NAV3: variants seen among roughly 807,000 people sequenced by gnomAD.
NAV3 encodes pore membrane and/or filament interacting like protein 1.
A neutral mutation model predicts 244.7 loss-of-function variants in NAV3; 87 were observed. The ratio of observed to expected loss-of-function variants is 0.36; its 90% CI spans 0.30 to 0.42. The LOEUF is 0.42. Ranked by LOEUF, NAV3 falls within the 20% of genes least tolerant of loss-of-function variation. The probability of loss-of-function intolerance (pLI) is 1.00; values close to 1 mark genes in which losing one functional copy is unlikely to be tolerated. For missense variants in NAV3, 2,663 were observed against 2,893.3 expected, an observed-to-expected ratio of 0.92 and a Z score of 1.83; for synonymous variants, 1,126 against 1,042.2, an observed-to-expected ratio of 1.08 and a Z score of -1.55.
intron 2 of NAV3, among the ~76,000 whole-genome samples, chr12:77,781,060 T>A (rs2135914365): frequency 6.6e-6 from 1 of 152,226 alleles, no homozygotes; most frequent in South Asian, 2.1e-4. Context: ...ACAACACAGG[T>A]TTATTTGTTT....
intron 1 of NAV3, among the ~76,000 whole-genome samples, chr12:77,905,588 T>C (rs2136978167): frequency 6.6e-6 from 1 of 152,256 alleles, no homozygotes; most frequent in Non-Finnish European, 1.5e-5. Flanking sequence ...CTGTTTATGT[T>C]TTCTTTCTAC....
intron 2 of NAV3, among the ~76,000 whole-genome samples, chr12:77,577,160 A>T (rs377122598): frequency 6.6e-5 from 10 of 152,234 alleles, no homozygotes; most frequent in African/African-American, 2.4e-4. Context: ...ATTGTAGCAT[A>T]CTCGGATGCA....
intron 20 of NAV3, among the ~76,000 whole-genome samples, chr12:78,140,853 T>C (rs990836984): frequency 2.7e-5 from 4 of 150,646 alleles, no homozygotes; most frequent in African/African-American, 9.8e-5. Flanking sequence ...TTTGAAAGAG[T>C]GTGATTTTTT....
chr12:77,592,571 G>A (rs1869956196), intron 2 of NAV3, among the ~76,000 whole-genome samples: 1 of 152,128 alleles, frequency 6.6e-6, no homozygotes, highest in African/African-American at 2.4e-5. Flanking sequence ...CTCAAGGGGT[G>A]ATTTATTTTT....
intron 2 of NAV3, among the ~76,000 whole-genome samples, chr12:77,651,408 A>G (rs1159053689): frequency 6.6e-6 from 1 of 151,904 alleles, no homozygotes; most frequent in Non-Finnish European, 1.5e-5. Context: ...CTCCCCAAAT[A>G]TTTTCCCGTG....
At chr12:77,904,295 C>T (rs1408597560) in intron 1 of NAV3, among the ~76,000 whole-genome samples, 16 of 152,042 alleles carry the variant, frequency 1.1e-4, no homozygotes, top group Non-Finnish European at 2.1e-4. Context: ...ACATATACAC[C>T]ATGGAATACT....
intron 1 of NAV3, among the ~76,000 whole-genome samples, chr12:77,833,115 C>T (rs1220061484): frequency 6.6e-6 from 1 of 152,074 alleles, no homozygotes; most frequent in Non-Finnish European, 1.5e-5. Flanking sequence ...ACCATTCCTC[C>T]TTCCCAATTC....
chr12:78,211,227 C>A lies in NAV3; in HGVS notation c.*710C>A, dbSNP rs567159321. On this transcript the variant is annotated 3_prime_UTR_variant, in exon 40 of 40. Transcript: ENST00000397909. Reference sequence around the variant, plus strand: ...TTAAACCACCTGCCCACTCCCTTAACAAGAGTTTTATACCAATTATTAGTC... The same window carrying A: ...TTAAACCACCTGCCCACTCCCTTAAAAAGAGTTTTATACCAATTATTAGTC... 6.6e-6 allele frequency: 1 copy of A among 152,590 alleles called. No individual in the cohort carries two copies. The highest frequency in any genetic ancestry group is 1.5e-5 in the Non-Finnish European group (1 of 68,026). The allele number at this position is 152,590 out of a possible 1,614,324, so 9.5% of individuals were successfully genotyped here. A position where few individuals can be genotyped will look rare whatever the true frequency, so the allele number is the denominator to read the frequency against.
At chr12:78,138,631 C>T (rs1391354839) in intron 19 of NAV3, among the ~76,000 whole-genome samples, 1 of 152,132 alleles carries the variant, frequency 6.6e-6, no homozygotes, top group Non-Finnish European at 1.5e-5. Flanking sequence ...AAGGACCCTG[C>T]TTTCTGAAAT....
chr12:78,058,477 T>A (rs1039933417), intron 11 of NAV3, among the ~76,000 whole-genome samples: 1 of 152,056 alleles, frequency 6.6e-6, no homozygotes, highest in African/African-American at 2.4e-5. Context: ...TTATTACAAT[T>A]CAGGGTGAGA....
chr12:78,018,889 T>C (rs545860500), intron 8 of NAV3, among the ~76,000 whole-genome samples: 1 of 152,100 alleles, frequency 6.6e-6, no homozygotes, highest in South Asian at 2.1e-4. Context: ...AGGGGTAGAG[T>C]GGCCCACAAT....
intron 2 of NAV3, among the ~76,000 whole-genome samples, chr12:77,603,733 C>T (rs769136361): frequency 6.6e-6 from 1 of 151,956 alleles, no homozygotes; most frequent in Non-Finnish European, 1.5e-5. Flanking sequence ...GTGGGTGGAT[C>T]GATAATGAAT....
At chr12:77,940,643 A>C (rs1889779604) in intron 2 of NAV3, among the ~76,000 whole-genome samples, 1 of 152,224 alleles carries the variant, frequency 6.6e-6, no homozygotes, top group Non-Finnish European at 1.5e-5. Flanking sequence ...CTGTATCTTT[A>C]TATACATAAA....
rs1332651215 is a variant in NAV3, at chr12:78,116,902, C to G, written c.2767C>G (p.Gln923Glu). The G allele has an allele frequency of 1.9e-6, 3 of 1,610,358 alleles. No homozygotes were observed. The highest frequency in any genetic ancestry group is 2.5e-6 in the Non-Finnish European group (3 of 1,177,714). Residue 923 changes from glutamine to glutamate, a missense_variant and splice_region_variant, in exon 13 of 40, where the codon CAG (glutamine) becomes GAG (glutamate). This residue lies in a region of NAV3 where 1,521 missense variants were observed against 1,497.0 expected (regional missense o/e 1.02). Coordinates refer to ENST00000397909, the MANE Select transcript of NAV3 (RefSeq NM_001024383.2). ...CACCGTCCCCTCTAGGAAGAATACT[C>G]AGGTGAGAATTACCACCTTTCTTTT... Reference protein sequence around the residue: ...NITVPSRKNTQLRTDSEKRST... With the variant: ...NITVPSRKNTELRTDSEKRST...
At chr12:77,592,816 G>T (rs1869971335) in intron 2 of NAV3, among the ~76,000 whole-genome samples, 1 of 152,296 alleles carries the variant, frequency 6.6e-6, no homozygotes, top group East Asian at 1.9e-4. Flanking sequence ...ACATTTATCA[G>T]ATCATTTCAT....
chr12:77,870,026 T>TTA (rs1314447015), intron 1 of NAV3, among the ~76,000 whole-genome samples: 10 of 152,148 alleles, frequency 6.6e-5, no homozygotes, highest in Non-Finnish European at 1.0e-4. Context: ...TACCAAGGAA[T>TTA]TATCTAAATG....
chr12:77,969,891 A>G (rs1376818137), intron 5 of NAV3, among the ~76,000 whole-genome samples: 1 of 152,194 alleles, frequency 6.6e-6, no homozygotes, highest in East Asian at 1.9e-4. Context: ...GATCACCCAG[A>G]TTATCTAAAG....
At chr12:77,927,393 T>C (rs1294949789) in intron 1 of NAV3, among the ~76,000 whole-genome samples, 1 of 152,192 alleles carries the variant, frequency 6.6e-6, no homozygotes, top group Non-Finnish European at 1.5e-5. Context: ...CATTTCCTTT[T>C]GTACGAGCTG....
chr12:77,837,228 TAAAGTTTAA>T (rs1351365432), intron 1 of NAV3, among the ~76,000 whole-genome samples: 11 of 151,232 alleles, frequency 7.3e-5, no homozygotes, highest in Non-Finnish European at 1.5e-4. Flanking sequence ...TGTAAACTTT[TAAAGTTTAA>T]ACTTTAAACT....
Sources: gnomAD v4.1 joint callset for allele counts (sites outside exome capture counted in the v4.1 genomes callset) on GRCh38, gnomAD v4.1.1 for gene constraint, gnomAD v4.1.1 regional missense constraint, MANE v1.5 for transcripts, NCBI Gene and HGNC (gene_info 2026-07-23, HGNC 2026-07-21) for gene names.